ADAMTS6: variants seen among roughly 807,000 people sequenced by gnomAD.
The protein encoded by ADAMTS6 is A disintegrin and metalloproteinase with thrombospondin motifs 6.
A neutral mutation model predicts 144.3 loss-of-function variants in ADAMTS6; 23 were observed. The ratio of observed to expected loss-of-function variants is 0.16; its 90% CI spans 0.11 to 0.23. The LOEUF is 0.23. Among genes scored for constraint, ADAMTS6 ranks in the 10% least tolerant of loss-of-function variants. ADAMTS6 has a pLI of 1.00. For missense variants in ADAMTS6, 999 were observed against 1,379.6 expected (o/e 0.72, Z 4.37); for synonymous variants, 444 against 457.5 (o/e 0.97, Z 0.38).
At chr5:65,436,058 A>C (rs1391948715) in intron 7 of ADAMTS6, among the ~76,000 whole-genome samples, 1 of 152,122 alleles carries the variant, frequency 6.6e-6, no homozygotes, top group Admixed American at 6.5e-5. Flanking sequence ...ATTTTTGCAA[A>C]CTTTTTCTAA....
At position 65,282,203 on chromosome 5, in the gene ADAMTS6, A is replaced by ATATG. The variant is rs1763039370; in HGVS notation, c.1513-8760_1513-8757dup. The stretch of plus-strand genomic sequence containing the variant: ...CATGGCCCCAGGAGATCCTAAGAAC[A>ATATG]TATGCCCAAGGTGGTCAGGCTACAG... On this transcript the variant is annotated intron_variant, in intron 11 of 24. Transcript: ENST00000381055. Among the ~76,000 whole-genome samples, 10 of 152,244 alleles carry ATATG rather than the reference A, an allele frequency of 6.6e-5. No homozygotes were observed. The South Asian group carries it at 2.1e-3, about 32-fold the overall frequency.
At chr5:65,221,705 C>T (rs1167432210) in intron 18 of ADAMTS6, among the ~76,000 whole-genome samples, 2 of 151,990 alleles carry the variant, frequency 1.3e-5, no homozygotes, top group African/African-American at 2.4e-5. Flanking sequence ...AGTAAAAGTG[C>T]CTTTGTTCGA....
At chr5:65,399,203 C>A (rs1683959920) in intron 7 of ADAMTS6, among the ~76,000 whole-genome samples, 2 of 152,160 alleles carry the variant, frequency 1.3e-5, no homozygotes, top group Non-Finnish European at 2.9e-5. Flanking sequence ...TTGCAGTGAG[C>A]CGAGATTGCA....
At chr5:65,284,821 G>A (rs1763241857) in intron 11 of ADAMTS6, among the ~76,000 whole-genome samples, 1 of 152,038 alleles carries the variant, frequency 6.6e-6, no homozygotes, top group South Asian at 2.1e-4. Context: ...TATAAGTTAT[G>A]TTTCCACTAC....
intron 7 of ADAMTS6, among the ~76,000 whole-genome samples, chr5:65,375,860 C>T (rs1396662756): frequency 1.6e-4 from 24 of 152,092 alleles, no homozygotes; most frequent in Non-Finnish European, 3.4e-4. Context: ...TGGAACCAAC[C>T]CAAATGTCCA....
chr5:65,259,007 A>G (rs1244279817), intron 14 of ADAMTS6, among the ~76,000 whole-genome samples: 2 of 152,152 alleles, frequency 1.3e-5, no homozygotes, highest in African/African-American at 4.8e-5. Flanking sequence ...GGTAGAGCAG[A>G]GACACAGGCC....
intron 7 of ADAMTS6, among the ~76,000 whole-genome samples, chr5:65,346,819 C>T (rs1227984580): frequency 6.6e-6 from 1 of 151,406 alleles, no homozygotes; most frequent in Non-Finnish European, 1.5e-5. Context: ...TACTAAAAAA[C>T]TGTTAGAACT....
intron 22 of ADAMTS6, among the ~76,000 whole-genome samples, chr5:65,186,072 A>T (rs2112163586): frequency 6.6e-6 from 1 of 152,216 alleles, no homozygotes; most frequent in South Asian, 2.1e-4. Flanking sequence ...TCTTTCATTT[A>T]TTCTTAAAAA....
At chr5:65,270,218 A>C (rs1371021200) in intron 12 of ADAMTS6, among the ~76,000 whole-genome samples, 1 of 152,194 alleles carries the variant, frequency 6.6e-6, no homozygotes, top group Non-Finnish European at 1.5e-5. Flanking sequence ...ATTCCACTTT[A>C]ATTTTGTCAA....
chr5:65,414,555 G>C (rs958252983), intron 7 of ADAMTS6, among the ~76,000 whole-genome samples: 2 of 152,122 alleles, frequency 1.3e-5, no homozygotes, highest in Non-Finnish European at 2.9e-5. Context: ...GATGGAAAGT[G>C]ACAAAAGTGC....
rs1450603585 is a variant in ADAMTS6 at position 65,200,437 on chromosome 5, C to T, written c.2576-3286G>A. 2.0e-5 allele frequency among the ~76,000 whole-genome samples: 3 copies of T among 152,152 alleles called. No individual in the cohort carries two copies. In the East Asian group the frequency reaches 5.8e-4, roughly 29 times the overall value. On this transcript the variant is annotated intron_variant, in intron 20 of 24. Transcript: ENST00000381055. ...TGTACATAACTTCTTTTAAAGTAGT[C>T]TGTAAAACATTGCTAAGATGTTGAT... is the stretch of plus-strand genomic sequence containing the variant.
intron 7 of ADAMTS6, among the ~76,000 whole-genome samples, chr5:65,408,372 T>C (rs1275643949): frequency 6.6e-6 from 1 of 152,126 alleles, no homozygotes; most frequent in Non-Finnish European, 1.5e-5. Flanking sequence ...AAACAGACTT[T>C]AAACCAACAA....
intron 12 of ADAMTS6, among the ~76,000 whole-genome samples, chr5:65,270,007 T>C (rs1216341164): frequency 6.6e-6 from 1 of 152,162 alleles, no homozygotes. Flanking sequence ...TTGGCCAGGC[T>C]AGTCTTGAAC....
intron 1 of ADAMTS6, among the ~76,000 whole-genome samples, chr5:65,477,085 G>A (rs542847905): frequency 6.6e-6 from 1 of 152,238 alleles, no homozygotes; most frequent in Admixed American, 6.5e-5. Flanking sequence ...TTCAATAACG[G>A]CAATAAGAAG....
intron 10 of ADAMTS6, among the ~76,000 whole-genome samples, chr5:65,296,250 T>C (rs1176417062): frequency 2.0e-5 from 3 of 152,150 alleles, no homozygotes; most frequent in Non-Finnish European, 4.4e-5. Flanking sequence ...CAAAATAGAA[T>C]TGGGTTGATA....
At chr5:65,305,181 C>CA (rs1053395708) in intron 9 of ADAMTS6, among the ~76,000 whole-genome samples, 1 of 152,064 alleles carries the variant, frequency 6.6e-6, no homozygotes, top group Admixed American at 6.5e-5. Flanking sequence ...ACAAGGGTTG[C>CA]AAAATCTTTA....
chr5:65,184,184 C>T (rs1308454594), intron 22 of ADAMTS6, among the ~76,000 whole-genome samples: 2 of 152,108 alleles, frequency 1.3e-5, no homozygotes, highest in African/African-American at 4.8e-5. Flanking sequence ...TATGCTTCAG[C>T]TTAATGTTCC....
intron 12 of ADAMTS6, among the ~76,000 whole-genome samples, chr5:65,267,327 T>A (rs564367168): frequency 6.6e-6 from 1 of 152,132 alleles, no homozygotes; most frequent in Non-Finnish European, 1.5e-5. Context: ...ATTATCCGGA[T>A]AAATTGGATA....
In ADAMTS6 at chr5:65,187,567, GA is replaced by G. The variant is rs1473655481; in HGVS notation, c.2910+448del. ...ACGTAATTAGGCTGCTACATTACTT[GA>G]AAAAAGATATTTTAAAAATTGTGCT... On this transcript the variant is annotated intron_variant, in intron 22 of 24. Coordinates refer to ENST00000381055, the MANE Select transcript of ADAMTS6 (RefSeq NM_197941.4). Among the ~76,000 whole-genome samples the G allele has an allele frequency of 2.6e-5, 4 of 152,046 alleles. No individual in the cohort carries two copies. The East Asian group carries it at 7.7e-4, about 29-fold the overall frequency.
Sources: gnomAD v4.1 joint callset for allele counts (sites outside exome capture counted in the v4.1 genomes callset) on GRCh38, gnomAD v4.1.1 for gene constraint, MANE v1.5 for transcripts, NCBI Gene and HGNC (gene_info 2026-07-23, HGNC 2026-07-21) for gene names.